The following CEP131 variants were observed in gnomAD, a reference collection of about 807,000 sequenced individuals.
CEP131 encodes centrosomal protein 131.
Under a neutral mutation model 136.8 loss-of-function variants are expected in CEP131, and 99 were observed. The ratio of observed to expected loss-of-function variants is 0.72; its 90% CI spans 0.62 to 0.86. CEP131 has a LOEUF of 0.86. Among genes scored for constraint, CEP131 ranks in the 40% least tolerant of loss-of-function variants. CEP131 has a pLI of 0.00. For synonymous variants in CEP131, 646 were observed against 612.7 expected (o/e 1.05, Z -0.80); for missense variants, 1,459 against 1,463.0 (o/e 1.00, Z 0.04).
At chr17:81,190,096 C>G in intron 24 of CEP131, 121 bp from the exon 25 acceptor site, 1 of 892,940 alleles carries the variant, frequency 1.1e-6, no homozygotes, top group Non-Finnish European at 1.7e-6. Context: ...CTGCTGACCA[C>G]GACTCCTGTG....
In CEP131 at chr17:81,194,088, T is replaced by C; in HGVS notation, c.2159A>G (p.Lys720Arg). Residue 720 changes from lysine (K) to arginine (R), a missense_variant, in exon 18 of 26, where the codon AAG becomes AGG. Lys to Arg is a conservative substitution (Grantham distance 26). Transcript: ENST00000450824. ...GCTCTTGAGCCTCCGCACTTCCTGC[T>C]TGTGCCTTGCAATCAGCTTCTGGAT... The part of the protein sequence containing the change: ...PEIQKLIARH[K>R]QEVRRLKSLH... 6.4e-7 allele frequency: 1 copy of C among 1,569,212 alleles called. No homozygotes were observed. The highest frequency in any genetic ancestry group is 8.6e-7 in the Non-Finnish European group (1 of 1,159,160).
chr17:81,192,889 C>T, intron 18 of CEP131, 46 bp from the exon 19 acceptor site: 3 of 1,568,498 alleles, frequency 1.9e-6, no homozygotes, highest in Non-Finnish European at 2.6e-6. Flanking sequence ...GACGGGCGGT[C>T]CCAGGACCCA....
intron 5 of CEP131, among the ~76,000 whole-genome samples, chr17:81,205,468 G>A (rs1181022570): frequency 1.1e-5 from 1 of 88,716 alleles, no homozygotes; most frequent in Non-Finnish European, 2.2e-5. Flanking sequence ...GAGGGGCGGC[G>A]CGGGGGTAGG....
chr17:81,213,836 G>T (rs924901788), intron 2 of CEP131, among the ~76,000 whole-genome samples: 1 of 152,190 alleles, frequency 6.6e-6, no homozygotes, highest in Non-Finnish European at 1.5e-5. Flanking sequence ...ACAGGATGGG[G>T]TGAGAAGAGT....
At position 81,192,790 on chromosome 17, in the gene CEP131, CGCTGCCGTT is replaced by C. The variant is rs763035349; in HGVS notation, c.2366_2374del (p.Gln789_Gln791del). The C allele has an allele frequency of 3.1e-6, 5 of 1,598,248 alleles. No homozygotes were observed. Among genetic ancestry groups the C allele is most frequent in the Non-Finnish European group, 4.2e-6 (5 of 1,178,938 alleles). On this transcript the variant is annotated inframe_deletion, in exon 19 of 26. Transcript: ENST00000450824. ...CTCCTCAGCCACCTCACTGTACAGC[CGCTGCCGTT>C]GCTGCTGCAGCGCCCACTGCTCCTG...
rs748288587 is a variant in CEP131 at position 81,190,672 on chromosome 17, C to T, written c.3074G>A (p.Arg1025His). ...AKAELATLQA[R>H]QQLELEEVHR... is the part of the protein sequence containing the mutation. ...CACCTCCTCCAGCTCCAGCTGCTGG[C>T]GGGCCTGCAGCGTGGCCAGCTCGGC... The change falls in exon 24 of 26, where the codon CGC becomes CAC. Residue 1025 changes from arginine to histidine, a missense_variant. Around this residue, in one of 3 missense-constraint regions of CEP131, gnomAD observed 1,026 missense variants for 964.2 expected, o/e 1.06. Coordinates refer to ENST00000450824, the MANE Select transcript of CEP131 (RefSeq NM_014984.4). 11 of 1,598,530 alleles carry T rather than the reference C, an allele frequency of 6.9e-6. No individual in the cohort carries two copies. Among genetic ancestry groups the T allele is most frequent in the Admixed American group, 5.1e-5 (3 of 59,112 alleles).
intron 5 of CEP131, 69 bp downstream of exon 5, chr17:81,206,675 A>C: frequency 6.6e-7 from 1 of 1,523,020 alleles, no homozygotes; most frequent in Non-Finnish European, 8.8e-7. Context: ...AACAAGACAA[A>C]GACACACACA....
At position 81,192,332 on chromosome 17, in the gene CEP131, G is replaced by T. The variant is rs565585486; in HGVS notation, c.2608C>A (p.Arg870Ser). The T allele has an allele frequency of 1.9e-6, 3 of 1,561,088 alleles. No homozygotes were observed. Among genetic ancestry groups the T allele is most frequent in the Admixed American group, 1.9e-5 (1 of 52,356 alleles). ...ELERQAWEAG[R>S]TRKEEAWLLN... Reference sequence around the variant, plus strand: ...CAGGCCCCCACCTCCTTCCTGGTGCGGCCGGCCTCCCACGCCTGCCTCTCC... The same window carrying T: ...CAGGCCCCCACCTCCTTCCTGGTGCTGCCGGCCTCCCACGCCTGCCTCTCC... Residue 870 changes from arginine to serine, a missense_variant, in exon 21 of 26, where the codon CGC (arginine) becomes AGC (serine). Around this residue, in one of 3 missense-constraint regions of CEP131, gnomAD observed 1,026 missense variants for 964.2 expected, o/e 1.06. Transcript: ENST00000450824.
Position 81,199,830 on chromosome 17 carries a change from C to T in CEP131, c.912G>A (p.Gln304=). 6.2e-7 allele frequency: 1 copy of T among 1,610,846 alleles called. No homozygotes were observed. The highest frequency in any genetic ancestry group is 8.5e-7 in the Non-Finnish European group (1 of 1,179,898). The part of the protein sequence containing the change: ...EHLLQAKREE[Q]RQRSGEGTLL... ...GGGTCCCCTCGCCTGACCGCTGCCG[C>T]TGCTCCTGCCAAAGAAGCCGGTGCC... The change falls in exon 9 of 26, where the codon CAG becomes CAA. Residue 304 remains glutamine, a synonymous_variant. Transcript: ENST00000450824.
intron 5 of CEP131, 137 bp downstream of exon 5, chr17:81,206,607 G>T: frequency 7.8e-7 from 1 of 1,274,704 alleles, no homozygotes. Context: ...GGGAATGAAA[G>T]CCATTCTTTC....
chr17:81,210,856 A>G (rs1229463993), intron 2 of CEP131, among the ~76,000 whole-genome samples: 11 of 151,720 alleles, frequency 7.3e-5, no homozygotes. Context: ...GCTCCAGGAA[A>G]GCAGCCACAC....
rs1248149115 is a variant in CEP131 at position 81,219,300 on chromosome 17, T to C, written c.177+580A>G. Among the ~76,000 whole-genome samples the C allele has an allele frequency of 6.7e-6, 1 of 149,020 alleles. No individual in the cohort carries two copies. The highest frequency in any genetic ancestry group is 1.5e-5 in the Non-Finnish European group (1 of 66,970). Reference sequence around the variant, plus strand: ...ACAGGTCAACCCCATTTCTTTCTTTTTTTTTTTTTTTTGAGATGGCATCTC... The same window carrying C: ...ACAGGTCAACCCCATTTCTTTCTTTCTTTTTTTTTTTTGAGATGGCATCTC... On this transcript the variant is annotated intron_variant, in intron 2 of 25. Transcript: ENST00000450824. The surrounding 1 kb of genome is among the most constrained non-coding windows in gnomAD (Gnocchi z 4.0).
In CEP131 at chr17:81,208,091, A is replaced by T. The variant is rs1272974575; in HGVS notation, c.272+837T>A. Among the ~76,000 whole-genome samples, 1 of 143,000 alleles carries T rather than the reference A, an allele frequency of 7.0e-6. No individual in the cohort carries two copies. Among genetic ancestry groups the T allele is most frequent in the Non-Finnish European group, 1.5e-5 (1 of 65,348 alleles). The allele number at this position is 143,000 out of a possible 152,430, so 93.8% of individuals were successfully genotyped here. A position where few individuals can be genotyped will look rare whatever the true frequency, so the allele number is the denominator to read the frequency against. The stretch of plus-strand genomic sequence containing the variant: ...CACACACCCACACACCACACCACAC[A>T]CACACACTTATGCCACACACCCACA... On this transcript the variant is annotated intron_variant, in intron 3 of 25. Coordinates refer to ENST00000450824, the MANE Select transcript of CEP131 (RefSeq NM_014984.4). This position sits in a 1 kb window ranked among gnomAD's most constrained non-coding sequence, Gnocchi z 5.6.
chr17:81,217,282 T>A (rs2062268307), intron 2 of CEP131, among the ~76,000 whole-genome samples: 1 of 152,066 alleles, frequency 6.6e-6, no homozygotes. Flanking sequence ...ACATCCTGGA[T>A]GGGGAATCCC....
chr17:81,209,625 C>T (rs1267430181), intron 2 of CEP131, among the ~76,000 whole-genome samples: 3 of 138,690 alleles, frequency 2.2e-5, no homozygotes, highest in African/African-American at 5.3e-5. Context: ...GAGAAGCGGA[C>T]GCTAAGCGAG....
chr17:81,190,564 G>C (rs1462757239), intron 24 of CEP131, 75 bp downstream of exon 24: 2 of 1,435,936 alleles, frequency 1.4e-6, no homozygotes, highest in Non-Finnish European at 1.8e-6. Flanking sequence ...AGCCTCCTGG[G>C]GCTTGGAGCT....
At chr17:81,222,246 T>G (rs2062404183) in intron 1 of CEP131, among the ~76,000 whole-genome samples, 1 of 152,150 alleles carries the variant, frequency 6.6e-6, no homozygotes, top group Admixed American at 6.5e-5. Context: ...TCCCAGGACC[T>G]GAAGGGGCGG....
Position 81,196,933 on chromosome 17 carries a change from C to G in CEP131, c.1770G>C (p.Ala590=). 6.2e-7 allele frequency: 1 copy of G among 1,609,520 alleles called. No homozygotes were observed. Among genetic ancestry groups the G allele is most frequent in the Non-Finnish European group, 8.5e-7 (1 of 1,178,414 alleles). ...TTAGCAGTGCCAGCAGCGTTACCAG[C>G]GCTCTCTGCAGCAGCAGCATGGCCT... ...KKQAMLLLQR[A]LAQQRDLTAR... is the part of the protein sequence containing the mutation. Residue 590 remains alanine, a synonymous_variant, in exon 14 of 26, where the codon GCG becomes GCC. Transcript: ENST00000450824.
At chr17:81,205,571 C>T (rs2061992825) in intron 5 of CEP131, among the ~76,000 whole-genome samples, 1 of 151,702 alleles carries the variant, frequency 6.6e-6, no homozygotes, top group Admixed American at 6.6e-5. Context: ...GACATTTTGG[C>T]TGTGTATGAA....
Sources: gnomAD v4.1 joint callset for allele counts (sites outside exome capture counted in the v4.1 genomes callset) on GRCh38, gnomAD v4.1.1 for gene constraint, gnomAD v4.1.1 regional missense constraint, Gnocchi (gnomAD v3.1) non-coding constraint, MANE v1.5 for transcripts, NCBI Gene and HGNC (gene_info 2026-07-23, HGNC 2026-07-21) for gene names.